ATG4B: variants seen among roughly 807,000 people sequenced by gnomAD.
The protein encoded by ATG4B is autophagy related 4B cysteine peptidase.
Under a neutral mutation model 56.6 loss-of-function variants are expected in ATG4B, and 29 were observed. The observed-to-expected ratio is 0.51, with a 90% CI of 0.38 to 0.70. The LOEUF (loss-of-function observed/expected upper bound fraction) is 0.70. Among genes scored for constraint, ATG4B ranks in the 30% least tolerant of loss-of-function variants. ATG4B has a pLI of 0.00. For synonymous variants in ATG4B, 224 were observed against 206.1 expected (o/e 1.09, Z -0.74); for missense variants, 461 against 515.5 (o/e 0.89, Z 1.02).
In ATG4B at chr2:241,651,882, A is replaced by G. The variant is rs540192449; in HGVS notation, c.184+547A>G. The G allele has an allele frequency of 3.1e-6, 4 of 1,303,446 alleles. No individual in the cohort carries two copies. The highest frequency in any genetic ancestry group is 3.0e-5 in the African/African-American group (2 of 65,972). 80.7% of individuals were successfully genotyped at this position (1,303,446 alleles called of 1,614,324 possible). On this transcript the variant is annotated intron_variant, in intron 3 of 12. Coordinates refer to ENST00000404914, the MANE Select transcript of ATG4B (RefSeq NM_013325.5). The surrounding 1 kb of genome is among the most constrained non-coding windows in gnomAD (Gnocchi z 4.1). ...TAACACTAAGGTGCATTCTGTTAAA[A>G]GCCATTCATCATTGTTGTATACCCT... is the stretch of plus-strand genomic sequence containing the variant.
At chr2:241,667,461 G>A (rs1169577191) in intron 8 of ATG4B, among the ~76,000 whole-genome samples, 1 of 151,608 alleles carries the variant, frequency 6.6e-6, no homozygotes, top group Non-Finnish European at 1.5e-5. Context: ...AAAATTAGCC[G>A]GGCATGGTGG....
At chr2:241,643,693 T>TCC (rs1559248159) in intron 1 of ATG4B, among the ~76,000 whole-genome samples, 7 of 108,118 alleles carry the variant, frequency 6.5e-5, no homozygotes, top group African/African-American at 3.4e-4. Flanking sequence ...TGTATATATT[T>TCC]TCCCCCCCCC....
At chr2:241,669,644 A>ATTTCCC (rs1416245320) in intron 10 of ATG4B, among the ~76,000 whole-genome samples, 1 of 152,170 alleles carries the variant, frequency 6.6e-6, no homozygotes, top group Non-Finnish European at 1.5e-5. Flanking sequence ...ATTAGCTGGG[A>ATTTCCC]CTACAGGCAC....
At chr2:241,655,548 A>G (rs1024994707) in intron 6 of ATG4B, 1 of 595,528 alleles carries the variant, frequency 1.7e-6, no homozygotes, top group Non-Finnish European at 3.0e-6. Context: ...ACCGTAGTCC[A>G]CATCCTGGCT....
chr2:241,672,004 T>G, intron 12 of ATG4B, 187 bp from the exon 13 acceptor site: 6 of 1,410,054 alleles, frequency 4.3e-6, no homozygotes, highest in Non-Finnish European at 3.7e-6. Context: ...CCTGCTCCTC[T>G]TCTCTGCTCC....
At chr2:241,640,622 C>T (rs1215312634) in intron 1 of ATG4B, among the ~76,000 whole-genome samples, 2 of 152,292 alleles carry the variant, frequency 1.3e-5, no homozygotes, top group Non-Finnish European at 1.5e-5. Context: ...CAGCGAAGTG[C>T]GTGGCTCCTG....
rs746603438 is a variant in ATG4B, at chr2:241,653,513, G to T, written c.186G>T (p.Gly62=). 3.0e-5 allele frequency: 47 copies of T among 1,577,262 alleles called. No individual in the cohort carries two copies. In the Admixed American group the frequency reaches 8.3e-4, roughly 28 times the overall value. ...FTYRKNFPAI[G]GTGPTSDTGW... ...TTCTCTCTCTGTCTGCCACGACAGGGGGGACAGGCCCCACCTCGGACACAG... is the reference window on the plus strand; with the variant it reads ...TTCTCTCTCTGTCTGCCACGACAGGTGGGACAGGCCCCACCTCGGACACAG... The change falls in exon 4 of 13, where the codon GGG becomes GGT. Residue 62 remains glycine, a splice_region_variant and synonymous_variant. Transcript: ENST00000404914.
chr2:241,659,696 A>T, intron 7 of ATG4B: 1 of 252,426 alleles, frequency 4.0e-6, no homozygotes, highest in South Asian at 4.2e-5. Context: ...CTCAGTTTTA[A>T]CAAATGGGCT....
At chr2:241,671,613 T>G in intron 12 of ATG4B, 5 of 1,490,568 alleles carry the variant, frequency 3.4e-6, no homozygotes, top group Non-Finnish European at 3.6e-6. Flanking sequence ...CCACCTCGTC[T>G]TCCCCACCAG....
Position 241,673,370 on chromosome 2 carries a change from CTT to C in ATG4B, c.*1108_*1109del. 5.5e-6 allele frequency: 2 copies of C among 360,944 alleles called. No homozygotes were observed. Among genetic ancestry groups the C allele is most frequent in the South Asian group, 4.0e-5 (2 of 49,518 alleles). 22.4% of individuals were successfully genotyped at this position (360,944 alleles called of 1,614,324 possible). A position where few individuals can be genotyped will look rare whatever the true frequency, so the allele number is the denominator to read the frequency against. On this transcript the variant is annotated 3_prime_UTR_variant, in exon 13 of 13. Transcript: ENST00000404914. Reference sequence around the variant, plus strand: ...TCTGCTGCCTGTCCTGGGAAAGTATCTTTGCCCCACTAGGAAATGTAAACAGG... The same window carrying C: ...TCTGCTGCCTGTCCTGGGAAAGTATCTGCCCCACTAGGAAATGTAAACAGG...
chr2:241,662,456 TAA>T (rs2068618259), intron 7 of ATG4B, among the ~76,000 whole-genome samples: 1 of 152,186 alleles, frequency 6.6e-6, no homozygotes. Flanking sequence ...GTTCAAAATA[TAA>T]AGAGAACACG....
Position 241,672,444 on chromosome 2 carries a change from C to CAGACTGCCCAGCTCAGAGTGCCCT in ATG4B, c.*203_*204insTAGACTGCCCAGCTCAGAGTGCCC. The CAGACTGCCCAGCTCAGAGTGCCCT allele has an allele frequency of 1.6e-6, 1 of 621,470 alleles. No individual in the cohort carries two copies. Among genetic ancestry groups the CAGACTGCCCAGCTCAGAGTGCCCT allele is most frequent in the Non-Finnish European group, 2.8e-6 (1 of 355,248 alleles). 38.5% of individuals were successfully genotyped at this position (621,470 alleles called of 1,614,324 possible). ...CCCGGGAGGCCTTACTGCTTGGTGT[C>CAGACTGCCCAGCTCAGAGTGCCCT]AGACTGCCCAGCTCAGAGTGCCCGT... is the stretch of plus-strand genomic sequence containing the variant. On this transcript the variant is annotated 3_prime_UTR_variant, in exon 13 of 13. Transcript: ENST00000404914.
intron 12 of ATG4B, chr2:241,671,784 T>C: frequency 7.8e-7 from 1 of 1,276,036 alleles, no homozygotes. Context: ...CCTCGGACCA[T>C]GGCCAGCGTG....
chr2:241,668,575 C>T lies in ATG4B; in HGVS notation c.847C>T (p.Gln283Ter). Reference sequence around the variant, plus strand: ...CATCTACCTGGACCCCCACACCACGCAGCCAGCCGTGGAGCCCACTGATGG... The same window carrying T: ...CATCTACCTGGACCCCCACACCACGTAGCCAGCCGTGGAGCCCACTGATGG... ...ELIYLDPHTTQPAVEPTDGCF... is the reference protein window; with the variant it reads ...ELIYLDPHTT The change falls in exon 10 of 13, where the codon CAG becomes TAG. Residue 283 changes from glutamine to a stop codon, truncating the protein, a stop_gained. Transcript: ENST00000404914. LOFTEE classifies it high-confidence loss of function. The surrounding 1 kb of genome is among the most constrained non-coding windows in gnomAD (Gnocchi z 4.2). 6.2e-7 allele frequency: 1 copy of T among 1,608,952 alleles called. No individual in the cohort carries two copies. The highest frequency in any genetic ancestry group is 1.3e-5 in the African/African-American group (1 of 74,936).
chr2:241,666,980 G>C, intron 8 of ATG4B, 142 bp downstream of exon 8: 1 of 993,162 alleles, frequency 1.0e-6, no homozygotes, highest in Non-Finnish European at 1.5e-6. Flanking sequence ...TTACACCGTT[G>C]CCCAAGGGGT....
At chr2:241,638,349 AAGAG>A (rs990823507) in intron 1 of ATG4B, 12 of 151,690 alleles carry the variant, frequency 7.9e-5, no homozygotes, top group African/African-American at 2.4e-4. Flanking sequence ...TTGGGGTCCT[AAGAG>A]AGAGAGAAAG....
Position 241,668,855 on chromosome 2 carries a change from C to T in ATG4B, c.957+170C>T. 1 of 910,638 alleles carries T rather than the reference C, an allele frequency of 1.1e-6. No homozygotes were observed. Among genetic ancestry groups the T allele is most frequent in the East Asian group, 2.7e-5 (1 of 37,256 alleles). The allele number at this position is 910,638 out of a possible 1,614,324, so 56.4% of individuals were successfully genotyped here. ...TAAGAGCCGGAACTGTGTCCTTGCA[C>T]CCTCACGTCCCTCCCCCAGGCACCA... On this transcript the variant is annotated intron_variant, in intron 10 of 12. Coordinates refer to ENST00000404914, the MANE Select transcript of ATG4B (RefSeq NM_013325.5). This position sits in a 1 kb window ranked among gnomAD's most constrained non-coding sequence, Gnocchi z 4.2.
rs2068845843 is a variant in ATG4B, at chr2:241,668,382, C to T, written c.812-158C>T. On this transcript the variant is annotated intron_variant, in intron 9 of 12. Transcript: ENST00000404914. This position sits in a 1 kb window ranked among gnomAD's most constrained non-coding sequence, Gnocchi z 4.2. Reference sequence around the variant, plus strand: ...TGGTCGCGGGCGGCCTCCTGTGTGCCCCTTTCCCTGATGGTCTGGTGCCCT... The same window carrying T: ...TGGTCGCGGGCGGCCTCCTGTGTGCTCCTTTCCCTGATGGTCTGGTGCCCT... 2 of 1,360,594 alleles carry T rather than the reference C, an allele frequency of 1.5e-6. No homozygotes were observed. The highest frequency in any genetic ancestry group is 2.0e-5 in the Admixed American group (1 of 49,042). The allele number at this position is 1,360,594 out of a possible 1,614,324, so 84.3% of individuals were successfully genotyped here. A position where few individuals can be genotyped will look rare whatever the true frequency, so the allele number is the denominator to read the frequency against.
At position 241,651,124 on chromosome 2, in the gene ATG4B, C is replaced by T. The variant is rs1270014162; in HGVS notation, c.112+13C>T. On this transcript the variant is annotated intron_variant, in intron 2 of 12. Coordinates refer to ENST00000404914, the MANE Select transcript of ATG4B (RefSeq NM_013325.5). The surrounding 1 kb of genome is among the most constrained non-coding windows in gnomAD (Gnocchi z 4.1). Reference sequence around the variant, plus strand: ...AGCATTTTCACAGGTATCGGCCATGCTGGAGCCCACCCTGGTCTGACCGCT... The same window carrying T: ...AGCATTTTCACAGGTATCGGCCATGTTGGAGCCCACCCTGGTCTGACCGCT... 1.9e-6 allele frequency: 3 copies of T among 1,607,222 alleles called. No individual in the cohort carries two copies. The highest frequency in any genetic ancestry group is 2.2e-5 in the South Asian group (2 of 90,140).
Sources: gnomAD v4.1 joint callset for allele counts (sites outside exome capture counted in the v4.1 genomes callset) on GRCh38, gnomAD v4.1.1 for gene constraint, Gnocchi (gnomAD v3.1) non-coding constraint, MANE v1.5 for transcripts, NCBI Gene and HGNC (gene_info 2026-07-23, HGNC 2026-07-21) for gene names.